The following ATXN7 variants were observed in gnomAD, a reference collection of about 807,000 sequenced individuals.
ATXN7 encodes the protein ataxin 7.
ATXN7 carries 12 observed loss-of-function variants against 70.5 expected under a neutral mutation model. The ratio of observed to expected loss-of-function variants is 0.17; its 90% CI spans 0.11 to 0.28. The LOEUF (loss-of-function observed/expected upper bound fraction) is 0.28, where lower values mean the gene tolerates loss of function less well. Among genes scored for constraint, ATXN7 ranks in the 10% least tolerant of loss-of-function variants. The pLI is 1.00. For missense variants in ATXN7, 1,256 were observed against 1,131.7 expected, an observed-to-expected ratio of 1.11 and a Z score of -1.58; for synonymous variants, 498 against 448.7, an observed-to-expected ratio of 1.11 and a Z score of -1.39.
intron 11 of ATXN7, 107 bp downstream of exon 11, chr3:63,990,966 C>A: frequency 1.3e-6 from 2 of 1,554,266 alleles, no homozygotes; most frequent in South Asian, 1.1e-5. Context: ...CTAAACAAAA[C>A]TGGCCTTTGG....
chr3:63,945,267 C>G (rs1325965940), intron 4 of ATXN7, among the ~76,000 whole-genome samples: 2 of 152,210 alleles, frequency 1.3e-5, no homozygotes, highest in Non-Finnish European at 2.9e-5. Flanking sequence ...ACCATGCTCA[C>G]ATAGCTAGTA....
At chr3:63,865,317 C>G (rs1702377595) in intron 1 of ATXN7, 1 of 152,204 alleles carries the variant, frequency 6.6e-6, no homozygotes, top group Non-Finnish European at 1.5e-5. Context: ...AAGAACTTGA[C>G]TTTTGTCACA....
chr3:63,905,088 G>A (rs1703788777), intron 2 of ATXN7: 2 of 152,062 alleles, frequency 1.3e-5, no homozygotes, highest in Admixed American at 1.3e-4. Flanking sequence ...TAAATGATTT[G>A]CAAAAATGTG....
At chr3:63,959,575 AT>A (rs1453627598) in intron 5 of ATXN7, among the ~76,000 whole-genome samples, 3 of 152,062 alleles carry the variant, frequency 2.0e-5, no homozygotes, top group South Asian at 4.1e-4. Flanking sequence ...CAGTGTATTC[AT>A]TTTTTTCTCT....
At chr3:63,891,157 G>A (rs1254416126) in intron 1 of ATXN7, among the ~76,000 whole-genome samples, 1 of 151,882 alleles carries the variant, frequency 6.6e-6, no homozygotes, top group Non-Finnish European at 1.5e-5. Context: ...CTACAGGCAC[G>A]CAGCACCACG....
chr3:63,953,133 A>G lies in ATXN7; in HGVS notation c.499+650A>G, dbSNP rs147155562. ...TCGAATTGGAGAGGCAGGCAAAACT[A>G]ACTAGATATACTTTAAAAATAACTA... On this transcript the variant is annotated intron_variant, in intron 5 of 12. Transcript: ENST00000674280. 2.9e-3 allele frequency among the ~76,000 whole-genome samples: 435 copies of G among 152,276 alleles called. 2 individuals carry two copies. Among genetic ancestry groups the G allele is most frequent in the Non-Finnish European group, 4.9e-3 (333 of 68,030 alleles).
intron 2 of ATXN7, chr3:63,905,858 A>G (rs1703821459): frequency 1.3e-5 from 2 of 152,254 alleles, no homozygotes; most frequent in African/African-American, 4.8e-5. Flanking sequence ...GTTAAAATAA[A>G]AGATTAAATT....
At chr3:63,903,750 C>T (rs1444992245) in intron 2 of ATXN7, 1 of 152,134 alleles carries the variant, frequency 6.6e-6, no homozygotes, top group Non-Finnish European at 1.5e-5. Context: ...TGCCAACGTC[C>T]AGAGTTAGGT....
At chr3:63,907,157 C>T (rs978182483) in intron 2 of ATXN7, among the ~76,000 whole-genome samples, 8 of 152,156 alleles carry the variant, frequency 5.3e-5, no homozygotes, top group East Asian at 1.9e-4. Flanking sequence ...TTGTTTTACT[C>T]ATTTTATAGA....
rs562279917 is a variant in ATXN7 at position 63,953,771 on chromosome 3, C to G, written c.499+1288C>G. Among the ~76,000 whole-genome samples, 947 of 151,698 alleles carry G rather than the reference C, an allele frequency of 6.2e-3. 13 individuals are homozygous for G. Among genetic ancestry groups the G allele is most frequent in the South Asian group, 0.013 (64 of 4,790 alleles). On this transcript the variant is annotated intron_variant, in intron 5 of 12. Transcript: ENST00000674280. ...ATTCAAGCAATTCCCTTGCTTCAGT[C>G]TCCTGAGTAGCTGGGACTACAGGCA...
intron 1 of ATXN7, among the ~76,000 whole-genome samples, chr3:63,897,899 C>G (rs1338804560): frequency 1.3e-5 from 2 of 152,110 alleles, no homozygotes; most frequent in African/African-American, 4.8e-5. Flanking sequence ...ACATAGTTTC[C>G]TTGTGCTTTT....
At chr3:63,930,434 G>C (rs1271342317) in intron 4 of ATXN7, among the ~76,000 whole-genome samples, 1 of 152,148 alleles carries the variant, frequency 6.6e-6, no homozygotes, top group East Asian at 1.9e-4. Context: ...GGAAGGCCTT[G>C]GCCATGATTC....
At position 63,988,189 on chromosome 3, in the gene ATXN7, A is replaced by C; in HGVS notation, c.1226A>C (p.Gln409Pro). ...CATCCGGACTCTCAGCAACCACCGCAGCCTCTCAGGGACCCGCATCCCGCC... is the reference window on the plus strand; with the variant it reads ...CATCCGGACTCTCAGCAACCACCGCCGCCTCTCAGGGACCCGCATCCCGCC... ...IRHPDSQQPP[Q>P]PLRDPHPAPP... Residue 409 changes from glutamine (Q) to proline (P), a missense_variant, in exon 9 of 13, where the codon CAG becomes CCG. Physicochemically the swap from Gln to Pro is moderately conservative, Grantham distance 76. Coordinates refer to ENST00000674280, the MANE Select transcript of ATXN7 (RefSeq NM_001377405.1). 1 of 1,614,116 alleles carries C rather than the reference A, an allele frequency of 6.2e-7. No homozygotes were observed. The highest frequency in any genetic ancestry group is 8.5e-7 in the Non-Finnish European group (1 of 1,180,000).
At position 63,910,160 on chromosome 3, in the gene ATXN7, C is replaced by T. The variant is rs532610565; in HGVS notation, c.-11-2428C>T. 2.6e-5 allele frequency among the ~76,000 whole-genome samples: 4 copies of T among 152,252 alleles called. No individual in the cohort carries two copies. The South Asian group carries it at 8.3e-4, about 32-fold the overall frequency. On this transcript the variant is annotated intron_variant, in intron 2 of 12. Transcript: ENST00000674280. The stretch of plus-strand genomic sequence containing the variant: ...GTACTCTAAATTGCTGCATTGATCC[C>T]CATTGGCTAGAAGTCATATTAGTGA...
rs2075745070 is a variant in ATXN7 at position 63,995,634 on chromosome 3, C to G, written c.1812C>G (p.Val604=). The change falls in exon 12 of 13, where the codon GTC becomes GTG. Residue 604 remains valine (V), a synonymous_variant. Coordinates refer to ENST00000674280, the MANE Select transcript of ATXN7 (RefSeq NM_001377405.1). ...CAGCCACCGTCTCTACATCCCCAGTCCTGCTCTCATCTACCTGCATCTCCC... is the reference window on the plus strand; with the variant it reads ...CAGCCACCGTCTCTACATCCCCAGTGCTGCTCTCATCTACCTGCATCTCCC... ...LAAATVSTSP[V]LLSSTCISPN... is the part of the protein sequence containing the mutation. The G allele has an allele frequency of 1.2e-6, 2 of 1,614,090 alleles. No individual in the cohort carries two copies. The highest frequency in any genetic ancestry group is 1.7e-6 in the Non-Finnish European group (2 of 1,180,048).
At chr3:63,961,258 T>G (rs763612849) in intron 5 of ATXN7, among the ~76,000 whole-genome samples, 5 of 152,256 alleles carry the variant, frequency 3.3e-5, no homozygotes, top group Non-Finnish European at 5.9e-5. Context: ...AAATATTTTT[T>G]CATGTTAATA....
At chr3:63,970,732 C>T (rs1012791480) in intron 5 of ATXN7, among the ~76,000 whole-genome samples, 3 of 152,198 alleles carry the variant, frequency 2.0e-5, no homozygotes, top group Non-Finnish European at 1.5e-5. Context: ...AATCCATTCA[C>T]GCCTGTCCCT....
At chr3:63,882,305 G>T (rs1287380024) in intron 1 of ATXN7, among the ~76,000 whole-genome samples, 1 of 151,722 alleles carries the variant, frequency 6.6e-6, no homozygotes, top group East Asian at 1.9e-4. Context: ...CATTTACACA[G>T]TGCATGGTAT....
chr3:63,979,934 C>T lies in ATXN7; in HGVS notation c.519C>T (p.Ser173=). ...QSHYERRHSS[S]SKPPLAVPPT... ...TTTCAGAAAGAAGACATAGCTCATC[C>T]AGCAAGCCGCCTTTGGCCGTTCCTC... The change falls in exon 6 of 13, where the codon TCC becomes TCT. Residue 173 remains serine, a synonymous_variant. Transcript: ENST00000674280. The T allele has an allele frequency of 6.2e-7, 1 of 1,614,182 alleles. No homozygotes were observed. Among genetic ancestry groups the T allele is most frequent in the Non-Finnish European group, 8.5e-7 (1 of 1,180,010 alleles).
Sources: allele counts gnomAD v4.1 joint callset (sites outside exome capture counted in the v4.1 genomes callset), GRCh38; gene constraint gnomAD v4.1.1; transcripts MANE v1.5; gene names NCBI Gene and HGNC (gene_info 2026-07-23, HGNC 2026-07-21).